RAB10: variants seen among roughly 807,000 people sequenced by gnomAD.
RAB10 encodes ras-related protein Rab-10.
Under a neutral mutation model 25.7 loss-of-function variants are expected in RAB10, and 5 were observed. The observed-to-expected ratio is 0.19, with a 90% CI of 0.10 to 0.41. RAB10 has a LOEUF of 0.41. RAB10 is among the 10% of genes least tolerant of loss of function. The pLI is 1.00. For synonymous variants in RAB10, 89 were observed against 86.4 expected, an observed-to-expected ratio of 1.03 and a Z score of -0.16; for missense variants, 103 against 245.8, an observed-to-expected ratio of 0.42 and a Z score of 3.89.
At chr2:26,049,150 T>C (rs1182830089) in intron 1 of RAB10, among the ~76,000 whole-genome samples, 1 of 151,998 alleles carries the variant, frequency 6.6e-6, no homozygotes, top group Non-Finnish European at 1.5e-5. Flanking sequence ...TTTTGAGTTA[T>C]TTTTGTATAT....
intron 1 of RAB10, among the ~76,000 whole-genome samples, chr2:26,053,968 C>T (rs1303718651): frequency 6.7e-6 from 1 of 149,118 alleles, no homozygotes; most frequent in Non-Finnish European, 1.5e-5. Flanking sequence ...TCCCAAAGTG[C>T]TGGGATTACA....
chr2:26,044,919 G>A (rs1472387882), intron 1 of RAB10, among the ~76,000 whole-genome samples: 5 of 151,122 alleles, frequency 3.3e-5, no homozygotes, highest in Admixed American at 3.3e-4. Context: ...TCATTGTTAT[G>A]TTAAAAAAAA....
At chr2:26,112,331 G>A (rs373651735) in intron 3 of RAB10, among the ~76,000 whole-genome samples, 1 of 152,080 alleles carries the variant, frequency 6.6e-6, no homozygotes, top group Non-Finnish European at 1.5e-5. Context: ...CTTATCACTT[G>A]GTTGGTTCCT....
At chr2:26,039,742 G>A (rs949177368) in intron 1 of RAB10, among the ~76,000 whole-genome samples, 6 of 152,164 alleles carry the variant, frequency 3.9e-5, no homozygotes, top group Non-Finnish European at 8.8e-5. Flanking sequence ...GGCAGGCTCA[G>A]TGGCTCACAC....
At chr2:26,068,223 A>G (rs1018325455) in intron 1 of RAB10, among the ~76,000 whole-genome samples, 2 of 152,014 alleles carry the variant, frequency 1.3e-5, no homozygotes, top group African/African-American at 4.8e-5. Flanking sequence ...CTGAAAGATG[A>G]TGTGTGTTGC....
intron 5 of RAB10, 56 bp from the exon 6 acceptor site, chr2:26,134,882 A>G: frequency 7.2e-7 from 1 of 1,386,452 alleles, no homozygotes; most frequent in Non-Finnish European, 1.0e-6. Context: ...TTGAATCGTG[A>G]TTTTATCCAT....
chr2:26,035,377 C>G (rs1665743589), intron 1 of RAB10, among the ~76,000 whole-genome samples: 1 of 152,184 alleles, frequency 6.6e-6, no homozygotes, highest in Non-Finnish European at 1.5e-5. Flanking sequence ...TTTCTGTCCT[C>G]AAACCCAACG....
chr2:26,036,220 A>C (rs558647513), intron 1 of RAB10, among the ~76,000 whole-genome samples: 1 of 152,370 alleles, frequency 6.6e-6, no homozygotes, highest in East Asian at 1.9e-4. Context: ...CTGGGAATAA[A>C]TGATGAACAC....
At chr2:26,052,850 T>C (rs1448487212) in intron 1 of RAB10, among the ~76,000 whole-genome samples, 1 of 152,188 alleles carries the variant, frequency 6.6e-6, no homozygotes, top group Non-Finnish European at 1.5e-5. Flanking sequence ...GTATATGAGA[T>C]GGAAGCTATG....
At chr2:26,106,527 A>G (rs1667465427) in intron 2 of RAB10, among the ~76,000 whole-genome samples, 1 of 152,196 alleles carries the variant, frequency 6.6e-6, no homozygotes, top group Non-Finnish European at 1.5e-5. Flanking sequence ...ATGGTGCTTG[A>G]GCAATAGGAC....
chr2:26,126,967 G>T (rs1005199959), intron 3 of RAB10, among the ~76,000 whole-genome samples, 177 bp from the exon 4 acceptor site: 1 of 152,208 alleles, frequency 6.6e-6, no homozygotes, highest in African/African-American at 2.4e-5. Context: ...CGTTTCTTTT[G>T]CTAGGTAATC....
upstream of RAB10, among the ~76,000 whole-genome samples, chr2:26,033,787 C>T (rs1334554185): frequency 1.7e-5 from 2 of 115,422 alleles, no homozygotes; most frequent in Non-Finnish European, 3.9e-5. Flanking sequence ...GAGCGGGAGG[C>T]GGGAGGCGGG....
intron 1 of RAB10, among the ~76,000 whole-genome samples, chr2:26,043,169 G>C (rs372022705): frequency 1.3e-5 from 2 of 151,480 alleles, no homozygotes; most frequent in South Asian, 4.2e-4. Flanking sequence ...GCTTATGCCC[G>C]TAAATCCCAG....
At chr2:26,116,227 G>A (rs1056862499) in intron 3 of RAB10, among the ~76,000 whole-genome samples, 6 of 151,934 alleles carry the variant, frequency 3.9e-5, no homozygotes, top group African/African-American at 1.2e-4. Context: ...CATGTTGCCC[G>A]GGCTGGTGTT....
intron 2 of RAB10, among the ~76,000 whole-genome samples, chr2:26,099,843 A>ATT (rs201223616): frequency 2.7e-5 from 4 of 150,912 alleles, no homozygotes; most frequent in African/African-American, 9.7e-5. Context: ...CGCCTGGTCA[A>ATT]TTTTTTTTTA....
At chr2:26,080,337 C>A (rs185112153) in intron 1 of RAB10, among the ~76,000 whole-genome samples, 2 of 152,212 alleles carry the variant, frequency 1.3e-5, no homozygotes, top group African/African-American at 4.8e-5. Flanking sequence ...TAGGCAAATA[C>A]TACACTAAAA....
chr2:26,050,085 C>T (rs907536139), intron 1 of RAB10, among the ~76,000 whole-genome samples: 3 of 152,166 alleles, frequency 2.0e-5, no homozygotes, highest in African/African-American at 7.2e-5. Flanking sequence ...ATGCGATACC[C>T]TGTTTTTTTG....
At chr2:26,121,422 G>A (rs1022891533) in intron 3 of RAB10, among the ~76,000 whole-genome samples, 3 of 152,130 alleles carry the variant, frequency 2.0e-5, no homozygotes, top group Non-Finnish European at 4.4e-5. Context: ...GGGGTCAAGT[G>A]ATTCTTCCTT....
upstream of RAB10, among the ~76,000 whole-genome samples, chr2:26,033,795 G>A (rs1303095490): frequency 1.3e-5 from 2 of 151,646 alleles, no homozygotes; most frequent in African/African-American, 2.4e-5. Context: ...GGCGGGAGGC[G>A]GGGGTCGGAG....
Sources: gnomAD v4.1 joint callset for allele counts (sites outside exome capture counted in the v4.1 genomes callset) on GRCh38, gnomAD v4.1.1 for gene constraint, MANE v1.5 for transcripts, NCBI Gene and HGNC (gene_info 2026-07-23, HGNC 2026-07-21) for gene names.